CHIC1: variants seen among roughly 807,000 people sequenced by gnomAD.
CHIC1 encodes the protein cysteine rich hydrophobic domain 1, also known as cysteine-rich hydrophobic domain-containing protein 1.
Under a neutral mutation model 18.5 loss-of-function variants are expected in CHIC1, and 7 were observed. That is an observed-to-expected ratio of 0.38 (90% CI 0.22 to 0.71). The LOEUF (loss-of-function observed/expected upper bound fraction) is 0.71. Among genes scored for constraint, CHIC1 ranks in the 30% least tolerant of loss-of-function variants. The pLI is 0.49. For missense variants in CHIC1, 159 were observed against 176.9 expected, an observed-to-expected ratio of 0.90 and a Z score of 0.57; for synonymous variants, 77 against 73.5, an observed-to-expected ratio of 1.05 and a Z score of -0.25.
At chrX:73,580,500 TG>T (rs1380052473) in intron 2 of CHIC1, among the ~76,000 whole-genome samples, 3 of 110,981 alleles carry the variant, frequency 2.7e-5, no homozygotes, top group Non-Finnish European at 3.8e-5. Context: ...AAAAGTCACA[TG>T]GTGGTAACAT....
chrX:73,659,588 G>T (rs7887509), intron 3 of CHIC1, among the ~76,000 whole-genome samples: 1,732 of 110,473 alleles, frequency 0.016, 41 homozygotes, highest in African/African-American at 0.054. Flanking sequence ...ATTTAAATTA[G>T]ATATATTGTA....
chrX:73,639,603 GA>G lies in CHIC1; in HGVS notation c.508-39721del, dbSNP rs759482573. Among the ~76,000 whole-genome samples, 61 of 111,602 alleles carry G rather than the reference GA, an allele frequency of 5.5e-4. 1 individual carries two copies. The highest frequency in any genetic ancestry group is 1.9e-3 in the African/African-American group (59 of 30,820). Reference sequence around the variant, plus strand: ...AAATCTTTTCCAGTTCCTACGTCCAGAAGGGTATTTCCTAGATTATCTTCCA... The same window carrying G: ...AAATCTTTTCCAGTTCCTACGTCCAGAGGGTATTTCCTAGATTATCTTCCA... On this transcript the variant is annotated intron_variant, in intron 3 of 5. Coordinates refer to ENST00000373502, the MANE Select transcript of CHIC1 (RefSeq NM_001039840.4).
intron 3 of CHIC1, among the ~76,000 whole-genome samples, chrX:73,634,387 GT>G (rs1483052165): frequency 1.8e-5 from 2 of 112,831 alleles, no homozygotes; most frequent in Admixed American, 9.3e-5. Context: ...CATGAACAAG[GT>G]TGCATGCCTT....
intron 3 of CHIC1, among the ~76,000 whole-genome samples, chrX:73,659,084 G>A (rs978745287): frequency 2.7e-5 from 3 of 111,760 alleles, no homozygotes; most frequent in East Asian, 2.8e-4. Flanking sequence ...TTGAGTCAAC[G>A]TACTTGTGGG....
chrX:73,640,811 A>ATGGTTT (rs2057852233), intron 3 of CHIC1, among the ~76,000 whole-genome samples: 1 of 110,745 alleles, frequency 9.0e-6, no homozygotes, highest in African/African-American at 3.3e-5. Context: ...GGATTTGTTG[A>ATGGTTT]TCTTTTGTAT....
At position 73,684,338 on chromosome X, in the gene CHIC1, A is replaced by T. The variant is rs759336649; in HGVS notation, c.*3333A>T. On this transcript the variant is annotated 3_prime_UTR_variant, in exon 6 of 6. Transcript: ENST00000373502. ...ATTCATATTATTATGGCCTGTAAAC[A>T]CTAATATCTGAGCAATCAAACTGTT... 8.9e-6 allele frequency: 1 copy of T among 111,753 alleles called. No homozygotes were observed. The highest frequency in any genetic ancestry group is 3.2e-5 in the African/African-American group (1 of 30,939). The allele number at this position is 111,753 out of a possible 1,213,427, so 9.2% of individuals were successfully genotyped here.
rs758260920 is a variant in CHIC1, at chrX:73,682,573, C to A, written c.*1568C>A. The stretch of plus-strand genomic sequence containing the variant: ...TTTAAGCCACTCTTAAAATTTATGC[C>A]TAATTTGAAATCCACAGTCCTTGAC... On this transcript the variant is annotated 3_prime_UTR_variant, in exon 6 of 6. Coordinates refer to ENST00000373502, the MANE Select transcript of CHIC1 (RefSeq NM_001039840.4). 7.2e-5 allele frequency: 8 copies of A among 111,574 alleles called. No individual in the cohort carries two copies. Among genetic ancestry groups the A allele is most frequent in the Non-Finnish European group, 1.5e-4 (8 of 52,676 alleles). 9.2% of individuals were successfully genotyped at this position (111,574 alleles called of 1,213,427 possible).
chrX:73,643,881 C>T (rs1187656010), intron 3 of CHIC1, among the ~76,000 whole-genome samples: 2 of 112,339 alleles, frequency 1.8e-5, no homozygotes, highest in African/African-American at 6.5e-5. Context: ...CAAAGTCATT[C>T]TCCGTCCATC....
chrX:73,644,094 T>C (rs370250879), intron 3 of CHIC1, among the ~76,000 whole-genome samples: 3 of 112,542 alleles, frequency 2.7e-5, no homozygotes, highest in Non-Finnish European at 3.8e-5. Context: ...CAGACAGGAC[T>C]CTCAGCTGCA....
chrX:73,659,527 TTGAC>T (rs201712451), intron 3 of CHIC1, among the ~76,000 whole-genome samples: 5,127 of 110,201 alleles, frequency 0.047, 312 homozygotes, highest in African/African-American at 0.16. Context: ...GCATGTCAAA[TTGAC>T]TGGCAGGAAT....
intron 3 of CHIC1, among the ~76,000 whole-genome samples, chrX:73,653,805 A>T (rs1181024205): frequency 2.7e-5 from 3 of 111,786 alleles, no homozygotes; most frequent in Non-Finnish European, 3.8e-5. Flanking sequence ...ATTCCTAAAA[A>T]ATTTTTTGTA....
intron 3 of CHIC1, among the ~76,000 whole-genome samples, chrX:73,597,069 T>G (rs1321739547): frequency 2.7e-5 from 3 of 111,376 alleles, no homozygotes; most frequent in African/African-American, 9.8e-5. Context: ...ACCACAATCT[T>G]TTCCATGGGA....
At chrX:73,615,491 G>A (rs2057728448) in intron 3 of CHIC1, among the ~76,000 whole-genome samples, 1 of 112,060 alleles carries the variant, frequency 8.9e-6, no homozygotes, top group African/African-American at 3.2e-5. Flanking sequence ...GCACTGGGCT[G>A]AGCAGACAAG....
intron 3 of CHIC1, among the ~76,000 whole-genome samples, chrX:73,616,705 C>T (rs2057734815): frequency 8.9e-6 from 1 of 112,101 alleles, no homozygotes; most frequent in South Asian, 3.8e-4. Flanking sequence ...CTTGCTTCCT[C>T]TGAAACCATG....
At chrX:73,607,978 A>G (rs1374317412) in intron 3 of CHIC1, among the ~76,000 whole-genome samples, 1 of 109,035 alleles carries the variant, frequency 9.2e-6, no homozygotes, top group African/African-American at 3.6e-5. Flanking sequence ...CTTAGAAATC[A>G]TAGCAAAATC....
intron 3 of CHIC1, among the ~76,000 whole-genome samples, chrX:73,600,648 G>A (rs1263228204): frequency 1.0e-4 from 11 of 107,404 alleles, no homozygotes; most frequent in South Asian, 3.9e-4. Context: ...ATTGATTTGC[G>A]TATATTGAAC....
At chrX:73,646,281 A>G (rs1174272742) in intron 3 of CHIC1, among the ~76,000 whole-genome samples, 1 of 111,803 alleles carries the variant, frequency 8.9e-6, no homozygotes, top group Non-Finnish European at 1.9e-5. Context: ...TGCTGTTACC[A>G]TGCAGTTTTG....
intron 3 of CHIC1, among the ~76,000 whole-genome samples, chrX:73,589,508 T>C (rs2057570701): frequency 9.2e-6 from 1 of 108,738 alleles, no homozygotes; most frequent in Admixed American, 9.9e-5. Context: ...ATGTAAATTC[T>C]ACTGCTATGT....
At chrX:73,680,208 A>G (rs768203547) in intron 5 of CHIC1, among the ~76,000 whole-genome samples, 97 of 109,814 alleles carry the variant, frequency 8.8e-4, no homozygotes, top group South Asian at 1.6e-3. Context: ...ATAAATTCAC[A>G]TATAGCCAAT....
Sources: gnomAD v4.1 joint callset for allele counts (sites outside exome capture counted in the v4.1 genomes callset) on GRCh38, gnomAD v4.1.1 for gene constraint, MANE v1.5 for transcripts, NCBI Gene and HGNC (gene_info 2026-07-23, HGNC 2026-07-21) for gene names.